Variants in LPAR6 observed in about 807,000 individuals in gnomAD.
LPAR6 encodes the protein lysophosphatidic acid receptor 6.
A neutral mutation model predicts 22.0 loss-of-function variants in LPAR6; 17 were observed. The observed-to-expected ratio is 0.77, with a 90% confidence interval of 0.53 to 1.16. The LOEUF (loss-of-function observed/expected upper bound fraction) is 1.16, where lower values mean the gene tolerates loss of function less well. Ranked by LOEUF, LPAR6 falls within the 50% of genes most tolerant of loss-of-function variation. The probability of loss-of-function intolerance (pLI) is 0.00; values close to 1 mark genes in which losing one functional copy is unlikely to be tolerated. For synonymous variants in LPAR6, 136 were observed against 139.8 expected, an observed-to-expected ratio of 0.97 and a Z score of 0.19; for missense variants, 384 against 406.9, an observed-to-expected ratio of 0.94 and a Z score of 0.48.
chr13:48,412,100 G>A lies in LPAR6; in HGVS notation c.324C>T (p.Thr108=), dbSNP rs1345680503. ...TNMYGSILFL[T]CISVDRFLAI... ...CCAGAAATCGATCTACACTAATACA[G>A]GTTAAGAACAGAATGCTTCCGTACA... Residue 108 remains threonine, a synonymous_variant, in exon 1 of 1, where the codon ACC becomes ACT. Transcript: ENST00000620633. 2 of 1,613,112 alleles carry A rather than the reference G, an allele frequency of 1.2e-6. No homozygotes were observed. The highest frequency in any genetic ancestry group is 2.7e-5 in the African/African-American group (2 of 74,898).
In LPAR6 at chr13:48,433,399, C is replaced by G. The variant is rs184517898; in HGVS notation, c.-1473-9280G>C. On this transcript the variant is annotated intron_variant, in intron 1 of 6. Coordinates refer to the LPAR6 transcript ENST00000378434. ...TTAAAATTCTTATTTAAGATGTATA[C>G]TATTTGAAGAAGAGAATTGGGATTC... Among the ~76,000 whole-genome samples, 963 of 151,882 alleles carry G rather than the reference C, an allele frequency of 6.3e-3. 5 individuals are homozygous for G. The highest frequency in any genetic ancestry group is 0.022 in the African/African-American group (929 of 41,298).
intron 1 of LPAR6, among the ~76,000 whole-genome samples, chr13:48,403,871 C>T (rs532348308): frequency 1.3e-5 from 2 of 152,226 alleles, no homozygotes; most frequent in Non-Finnish European, 1.5e-5. Flanking sequence ...AAAAAAAATG[C>T]ACCTCTGTAG....
chr13:48,411,628 C>T lies in LPAR6; in HGVS notation c.796G>A (p.Val266Met). The T allele has an allele frequency of 6.2e-7, 1 of 1,612,186 alleles. No homozygotes were observed. Among genetic ancestry groups the T allele is most frequent in the Non-Finnish European group, 8.5e-7 (1 of 1,178,446 alleles). The part of the protein sequence containing the change: ...RTQTFVNCSV[V>M]AAVRTMYPIT... ...GGGTACATTGTCCTTACTGCTGCCACTACTGAGCAATTAACAAATGTTTGT... is the reference window on the plus strand; with the variant it reads ...GGGTACATTGTCCTTACTGCTGCCATTACTGAGCAATTAACAAATGTTTGT... The change falls in exon 1 of 1, where the codon GTG (valine) becomes ATG (methionine). Residue 266 changes from valine to methionine, a missense_variant. Coordinates refer to ENST00000620633, the MANE Select transcript of LPAR6 (RefSeq NM_001162498.3).
At chr13:48,402,210 A>G (rs2138181946) in intron 1 of LPAR6, among the ~76,000 whole-genome samples, 1 of 152,232 alleles carries the variant, frequency 6.6e-6, no homozygotes, top group South Asian at 2.1e-4. Flanking sequence ...TCATAGGAAT[A>G]TCAGACACCT....
upstream of LPAR6, among the ~76,000 whole-genome samples, chr13:48,431,570 T>TA (rs1284086783): frequency 6.6e-6 from 1 of 152,202 alleles, no homozygotes; most frequent in Non-Finnish European, 1.5e-5. Flanking sequence ...TACTTTTTTT[T>TA]ATTGGTTTTC....
At chr13:48,392,374 G>A (rs905769665) in intron 1 of LPAR6, among the ~76,000 whole-genome samples, 1 of 152,186 alleles carries the variant, frequency 6.6e-6, no homozygotes, top group Non-Finnish European at 1.5e-5. Flanking sequence ...GCTTCCCAAA[G>A]TGCTGGGATT....
intron 1 of LPAR6, among the ~76,000 whole-genome samples, chr13:48,393,351 C>A (rs1009475787): frequency 6.6e-6 from 1 of 152,216 alleles, no homozygotes; most frequent in African/African-American, 2.4e-5. Context: ...TGGGGGACCA[C>A]TGGGCTGCAT....
At chr13:48,433,695 T>A (rs909170812) in intron 1 of LPAR6, among the ~76,000 whole-genome samples, 1 of 151,640 alleles carries the variant, frequency 6.6e-6, no homozygotes, top group African/African-American at 2.4e-5. Flanking sequence ...TTTTTTTTTT[T>A]ACCTTTAGTA....
chr13:48,398,192 A>G (rs774326770), intron 1 of LPAR6, among the ~76,000 whole-genome samples: 3 of 152,162 alleles, frequency 2.0e-5, no homozygotes, highest in Non-Finnish European at 4.4e-5. Context: ...CCATGTATTT[A>G]CTTTTCTTTG....
intron 1 of LPAR6, among the ~76,000 whole-genome samples, chr13:48,397,275 A>C (rs1460099581): frequency 6.6e-6 from 1 of 152,242 alleles, no homozygotes; most frequent in Non-Finnish European, 1.5e-5. Context: ...CTGGATAAAG[A>C]AAATGTGGCA....
intron 1 of LPAR6, among the ~76,000 whole-genome samples, chr13:48,441,330 T>C (rs892893395): frequency 1.3e-5 from 2 of 152,204 alleles, no homozygotes; most frequent in African/African-American, 2.4e-5. Context: ...GACCCTTATG[T>C]TACCTTTACA....
At chr13:48,416,051 C>T (rs1157563239), upstream of LPAR6, among the ~76,000 whole-genome samples, 5 of 152,152 alleles carry the variant, frequency 3.3e-5, no homozygotes, top group African/African-American at 1.2e-4. Context: ...GAGATCTCTA[C>T]ACTTCTGGAA....
At chr13:48,428,833 G>T (rs191364123), upstream of LPAR6, among the ~76,000 whole-genome samples, 2 of 152,284 alleles carry the variant, frequency 1.3e-5, no homozygotes, top group East Asian at 1.9e-4. Flanking sequence ...GGTTTTCTGT[G>T]AATAGTAAAT....
chr13:48,394,547 G>T lies in LPAR6; in HGVS notation n.115-4735C>A, dbSNP rs140868512. ...TCACAGCAGTCTGAGGTCGACCTGGGATGGTAGAGCTAGGTAGGGGGAGGG... is the reference window on the plus strand; with the variant it reads ...TCACAGCAGTCTGAGGTCGACCTGGTATGGTAGAGCTAGGTAGGGGGAGGG... On this transcript the variant is annotated intron_variant and non_coding_transcript_variant, in intron 1 of 1. Transcript: ENST00000462781. 6.6e-4 allele frequency among the ~76,000 whole-genome samples: 100 copies of T among 152,306 alleles called. 5 individuals carry two copies. In the East Asian group the frequency reaches 0.017, roughly 26 times the overall value.
intron 1 of LPAR6, among the ~76,000 whole-genome samples, chr13:48,405,282 A>G (rs1255839916): frequency 6.6e-6 from 1 of 152,232 alleles, no homozygotes; most frequent in Non-Finnish European, 1.5e-5. Flanking sequence ...GTGGGAATTT[A>G]ACAAATACAG....
intron 1 of LPAR6, among the ~76,000 whole-genome samples, chr13:48,438,904 CT>C (rs1430429455): frequency 6.6e-6 from 1 of 151,980 alleles, no homozygotes; most frequent in Non-Finnish European, 1.5e-5. Flanking sequence ...CACAACAACT[CT>C]ATGTAGTGGG....
At chr13:48,394,910 G>T (rs920511251) in intron 1 of LPAR6, among the ~76,000 whole-genome samples, 6 of 152,342 alleles carry the variant, frequency 3.9e-5, no homozygotes, top group Admixed American at 3.3e-4. Flanking sequence ...GGGACAGACT[G>T]TCTCCTCAAG....
intron 1 of LPAR6, among the ~76,000 whole-genome samples, chr13:48,423,336 G>A (rs1361672377): frequency 2.6e-5 from 4 of 151,900 alleles, no homozygotes; most frequent in Non-Finnish European, 2.9e-5. Flanking sequence ...GTGCAGTGGC[G>A]CGATCTCGGC....
At chr13:48,396,928 A>G (rs1566204910) in intron 1 of LPAR6, among the ~76,000 whole-genome samples, 1 of 152,236 alleles carries the variant, frequency 6.6e-6, no homozygotes, top group Non-Finnish European at 1.5e-5. Context: ...AGAAATGCAA[A>G]TCAAAACCAC....
Sources: allele counts gnomAD v4.1 joint callset (sites outside exome capture counted in the v4.1 genomes callset), GRCh38; gene constraint gnomAD v4.1.1; transcripts MANE v1.5; gene names NCBI Gene and HGNC (gene_info 2026-07-23, HGNC 2026-07-21).